Variants in RARB observed in about 807,000 individuals in gnomAD.
RARB encodes HBV-activated protein.
Under a neutral mutation model 51.9 loss-of-function variants are expected in RARB, and 17 were observed. The observed-to-expected ratio is 0.33, with a 90% CI of 0.22 to 0.49. RARB has a LOEUF of 0.49. Among genes scored for constraint, RARB ranks in the 20% least tolerant of loss-of-function variants. RARB has a pLI of 0.99. For missense variants in RARB, 369 were observed against 550.8 expected, an observed-to-expected ratio of 0.67 and a Z score of 3.30; for synonymous variants, 215 against 195.4, an observed-to-expected ratio of 1.10 and a Z score of -0.84.
At chr3:24,892,055 C>T (rs1703391373) in intron 2 of RARB, among the ~76,000 whole-genome samples, 1 of 151,982 alleles carries the variant, frequency 6.6e-6, no homozygotes, top group Non-Finnish European at 1.5e-5. Flanking sequence ...GAGGGAATAA[C>T]CTATGGGGAG....
At chr3:24,963,418 TTG>T in intron 2 of RARB, among the ~76,000 whole-genome samples, 1 of 96,450 alleles carries the variant, frequency 1.0e-5, no homozygotes, top group Non-Finnish European at 2.7e-5. Flanking sequence ...CTTCCCATCC[TTG>T]TTGTCACGCT....
At chr3:25,354,246 A>ATGATTATTATTT (rs1179313958) in intron 5 of RARB, among the ~76,000 whole-genome samples, 3 of 152,120 alleles carry the variant, frequency 2.0e-5, no homozygotes, top group African/African-American at 7.2e-5. Flanking sequence ...ATGCTTTTGC[A>ATGATTATTATTT]TTCAATAATC....
chr3:25,308,633 G>A (rs1046423818), intron 5 of RARB, among the ~76,000 whole-genome samples: 13 of 151,816 alleles, frequency 8.6e-5, no homozygotes, highest in African/African-American at 2.7e-4. Context: ...ATTTTTAGTA[G>A]GACAGGGTTT....
chr3:25,330,142 T>A (rs1425423831), intron 5 of RARB, among the ~76,000 whole-genome samples: 1 of 151,886 alleles, frequency 6.6e-6, no homozygotes, highest in Non-Finnish European at 1.5e-5. Context: ...AGGCCAACAT[T>A]CCAATTCAGG....
chr3:25,197,367 G>T (rs955137268), intron 5 of RARB, among the ~76,000 whole-genome samples: 1 of 152,082 alleles, frequency 6.6e-6, no homozygotes, highest in Non-Finnish European at 1.5e-5. Flanking sequence ...TCAAAGATCA[G>T]ATGGTTGTAG....
intron 2 of RARB, among the ~76,000 whole-genome samples, chr3:24,906,179 G>A (rs1559390561): frequency 6.6e-6 from 1 of 152,156 alleles, no homozygotes; most frequent in East Asian, 1.9e-4. Flanking sequence ...GCCACATTTT[G>A]GTTTTAGAAA....
At chr3:24,963,175 A>G (rs1443362908) in intron 2 of RARB, among the ~76,000 whole-genome samples, 1 of 151,936 alleles carries the variant, frequency 6.6e-6, no homozygotes, top group Non-Finnish European at 1.5e-5. Context: ...TTGTTTTTTA[A>G]AAGCTAGTTA....
At chr3:25,558,097 C>A (rs1700132172) in intron 3 of RARB, among the ~76,000 whole-genome samples, 1 of 152,196 alleles carries the variant, frequency 6.6e-6, no homozygotes, top group African/African-American at 2.4e-5. Context: ...GTTCAAACAG[C>A]CTTTTTGTGT....
intron 1 of RARB, among the ~76,000 whole-genome samples, chr3:24,857,756 A>C (rs988641269): frequency 1.3e-5 from 2 of 152,156 alleles, no homozygotes; most frequent in Admixed American, 6.5e-5. Flanking sequence ...TCTCTACAAA[A>C]AAAACAAAAC....
chr3:25,419,551 TTG>T (rs1196086797), intron 5 of RARB, among the ~76,000 whole-genome samples: 1 of 152,130 alleles, frequency 6.6e-6, no homozygotes. Context: ...TCTGGTGCCT[TTG>T]TGTTCACCAA....
At chr3:25,263,299 C>G (rs1274141514) in intron 5 of RARB, among the ~76,000 whole-genome samples, 1 of 152,118 alleles carries the variant, frequency 6.6e-6, no homozygotes, top group African/African-American at 2.4e-5. Context: ...CAGTCTTCTG[C>G]TGTAAGAACA....
At chr3:25,191,931 CG>C (rs1346006546) in intron 5 of RARB, among the ~76,000 whole-genome samples, 1 of 151,946 alleles carries the variant, frequency 6.6e-6, no homozygotes, top group Admixed American at 6.6e-5. Context: ...GCAGACGAGG[CG>C]GGGGTGTGGA....
intron 1 of RARB, among the ~76,000 whole-genome samples, chr3:24,849,917 G>A (rs1702535736): frequency 6.6e-6 from 1 of 152,200 alleles, no homozygotes; most frequent in African/African-American, 2.4e-5. Context: ...AAGTTTCATT[G>A]AAGCAGAGTT....
chr3:25,294,360 G>C (rs1159394591), intron 5 of RARB, among the ~76,000 whole-genome samples: 1 of 152,138 alleles, frequency 6.6e-6, no homozygotes, highest in Non-Finnish European at 1.5e-5. Flanking sequence ...GGCAAGTCCT[G>C]GTAGTGAATT....
At chr3:25,277,048 C>G (rs1042521135) in intron 5 of RARB, among the ~76,000 whole-genome samples, 2 of 152,146 alleles carry the variant, frequency 1.3e-5, no homozygotes, top group African/African-American at 4.8e-5. Context: ...TGAGGAGTAT[C>G]TCTCTTCAAG....
At chr3:25,254,709 G>T (rs760188985) in intron 5 of RARB, among the ~76,000 whole-genome samples, 22 of 152,012 alleles carry the variant, frequency 1.4e-4, no homozygotes, top group Non-Finnish European at 2.4e-4. Context: ...TGACTTGGTC[G>T]GTCAGAGACT....
intron 5 of RARB, among the ~76,000 whole-genome samples, chr3:25,232,178 T>C (rs1702194105): frequency 1.3e-5 from 2 of 152,168 alleles, no homozygotes. Flanking sequence ...ATCTCTCTTC[T>C]GTTTTATTGA....
intron 5 of RARB, among the ~76,000 whole-genome samples, chr3:25,343,303 A>G (rs1234859817): frequency 6.6e-6 from 1 of 152,118 alleles, no homozygotes; most frequent in Admixed American, 6.6e-5. Flanking sequence ...GTCCCAGAAG[A>G]GTGCCATGCC....
chr3:25,049,290 T>A (rs1698279364), intron 2 of RARB, among the ~76,000 whole-genome samples: 1 of 152,166 alleles, frequency 6.6e-6, no homozygotes, highest in African/African-American at 2.4e-5. Context: ...CTCTGCCAAA[T>A]CTGAAGAAAT....
Sources: allele counts gnomAD v4.1 joint callset (sites outside exome capture counted in the v4.1 genomes callset), GRCh38; gene constraint gnomAD v4.1.1; transcripts MANE v1.5; gene names NCBI Gene and HGNC (gene_info 2026-07-23, HGNC 2026-07-21).